HSD17B12: variants seen among roughly 807,000 people sequenced by gnomAD.
HSD17B12 encodes hydroxysteroid 17-beta dehydrogenase 12.
Under a neutral mutation model 39.3 loss-of-function variants are expected in HSD17B12, and 32 were observed. The ratio of observed to expected loss-of-function variants is 0.81; its 90% CI spans 0.61 to 1.09. The LOEUF is 1.09. Ranked by LOEUF, HSD17B12 falls within the 50% of genes least tolerant of loss-of-function variation. The pLI is 0.00. For missense variants in HSD17B12, 342 were observed against 382.9 expected (o/e 0.89, Z 0.89); for synonymous variants, 150 against 146.7 (o/e 1.02, Z -0.16).
At chr11:43,762,848 G>A (rs955480364) in intron 3 of HSD17B12, among the ~76,000 whole-genome samples, 1 of 152,122 alleles carries the variant, frequency 6.6e-6, no homozygotes, top group Non-Finnish European at 1.5e-5. Flanking sequence ...TCATGAATAT[G>A]TTTCTATTCA....
intron 1 of HSD17B12, among the ~76,000 whole-genome samples, chr11:43,704,192 A>G (rs1360152061): frequency 2.6e-5 from 4 of 152,228 alleles, no homozygotes; most frequent in Admixed American, 1.3e-4. Flanking sequence ...AGTAAGCCTG[A>G]CGAAAAGGTA....
At chr11:43,627,723 T>G in the HSD17B12 span, among the ~76,000 whole-genome samples, 1 of 152,006 alleles carries the variant, frequency 6.6e-6, no homozygotes, top group African/African-American at 2.4e-5. Flanking sequence ...AAATTTAATC[T>G]GCGTTAAAAT....
the HSD17B12 span, among the ~76,000 whole-genome samples, chr11:43,598,368 C>T: frequency 6.6e-6 from 1 of 151,834 alleles, no homozygotes; most frequent in Non-Finnish European, 1.5e-5. Context: ...TGTTCTTGAC[C>T]CACTTTTATT....
chr11:43,589,154 G>A, the HSD17B12 span, among the ~76,000 whole-genome samples: 2 of 152,106 alleles, frequency 1.3e-5, no homozygotes, highest in Admixed American at 6.5e-5. Context: ...ATTTGCTATC[G>A]TAAATAATGT....
At chr11:43,598,055 C>T in the HSD17B12 span, among the ~76,000 whole-genome samples, 1 of 152,132 alleles carries the variant, frequency 6.6e-6, no homozygotes, top group Non-Finnish European at 1.5e-5. Context: ...ACTCAGTTCC[C>T]TCTAGAACTC....
At chr11:43,749,926 A>T (rs1017167099) in intron 1 of HSD17B12, among the ~76,000 whole-genome samples, 3 of 152,094 alleles carry the variant, frequency 2.0e-5, no homozygotes. Flanking sequence ...AACTTGTAAC[A>T]TGATTCTAGT....
intron 1 of HSD17B12, among the ~76,000 whole-genome samples, chr11:43,696,846 A>T (rs1305728421): frequency 1.3e-5 from 2 of 152,182 alleles, no homozygotes; most frequent in Admixed American, 6.5e-5. Context: ...AAGGAATGAG[A>T]TCATGTCCTT....
At chr11:43,621,956 A>G in the HSD17B12 span, among the ~76,000 whole-genome samples, 4 of 152,178 alleles carry the variant, frequency 2.6e-5, no homozygotes, top group Admixed American at 6.5e-5. Flanking sequence ...TCCACACCGA[A>G]TGGTCTCAAT....
chr11:43,806,946 T>C (rs1294105859), intron 4 of HSD17B12, among the ~76,000 whole-genome samples: 1 of 152,218 alleles, frequency 6.6e-6, no homozygotes, highest in African/African-American at 2.4e-5. Flanking sequence ...GTACATTTAA[T>C]ATGTATCAGT....
At position 43,840,031 on chromosome 11, in the gene HSD17B12, TGAG is replaced by T. The variant is rs773693174; in HGVS notation, c.655_657del (p.Glu219del). ...TAGATTTCTTCTCTCAGTGCCTCCA[TGAG>T]GAGTATAGGAGCAAGGGCGTCTTTG... On this transcript the variant is annotated inframe_deletion, in exon 9 of 11. Transcript: ENST00000278353. The T allele has an allele frequency of 6.2e-7, 1 of 1,612,694 alleles. No homozygotes were observed. Among genetic ancestry groups the T allele is most frequent in the Non-Finnish European group, 8.5e-7 (1 of 1,179,082 alleles).
chr11:43,783,873 T>G (rs1214787432), intron 3 of HSD17B12, among the ~76,000 whole-genome samples: 1 of 152,158 alleles, frequency 6.6e-6, no homozygotes, highest in Non-Finnish European at 1.5e-5. Context: ...CAGTAAACCC[T>G]TTACATGTTA....
intron 1 of HSD17B12, among the ~76,000 whole-genome samples, chr11:43,686,801 T>C (rs1949804556): frequency 6.6e-6 from 1 of 152,144 alleles, no homozygotes; most frequent in Non-Finnish European, 1.5e-5. Flanking sequence ...GTTATTATTA[T>C]AGTATTATTA....
chr11:43,806,279 C>A (rs1285763565), intron 4 of HSD17B12: 1 of 152,200 alleles, frequency 6.6e-6, no homozygotes, highest in Non-Finnish European at 1.5e-5. Flanking sequence ...CCTCTAGTCA[C>A]AGAGTTGGTC....
the HSD17B12 span, among the ~76,000 whole-genome samples, chr11:43,620,056 G>A: frequency 3.3e-5 from 5 of 152,184 alleles, no homozygotes; most frequent in Non-Finnish European, 7.3e-5. Context: ...TCACTTTAAA[G>A]CAGCTGCATT....
intron 4 of HSD17B12, among the ~76,000 whole-genome samples, chr11:43,804,502 A>T (rs1951000441): frequency 6.6e-6 from 1 of 152,244 alleles, no homozygotes. Flanking sequence ...GCTGGAATAG[A>T]ACTTATTATT....
At chr11:43,614,926 CTG>C in the HSD17B12 span, among the ~76,000 whole-genome samples, 1 of 152,040 alleles carries the variant, frequency 6.6e-6, no homozygotes, top group Non-Finnish European at 1.5e-5. Flanking sequence ...ATTCCAACAA[CTG>C]TGTTATCTCT....
rs199686029 is a variant in HSD17B12 at position 43,854,786 on chromosome 11, G to A, written c.756G>A (p.Pro252=). The change falls in exon 10 of 11, where the codon CCG becomes CCA. Residue 252 remains proline, a synonymous_variant. Transcript: ENST00000278353. ...AGCCAACTTTGGATAAGCCCTCTCC[G>A]GAGACGTTTGTGAAGTCTGCAATTA... ...IRKPTLDKPS[P]ETFVKSAIKT... 3.2e-5 allele frequency: 51 copies of A among 1,614,024 alleles called. No homozygotes were observed. Among genetic ancestry groups the A allele is most frequent in the Non-Finnish European group, 3.8e-5 (45 of 1,180,010 alleles).
At chr11:43,626,835 A>C in the HSD17B12 span, among the ~76,000 whole-genome samples, 1 of 152,038 alleles carries the variant, frequency 6.6e-6, no homozygotes, top group African/African-American at 2.4e-5. Flanking sequence ...AAGATATTAC[A>C]CAGAAAACAG....
chr11:43,838,383 CTA>C lies in HSD17B12; in HGVS notation c.605_606del (p.Tyr202PhefsTer16). On this transcript the variant is annotated frameshift_variant, in exon 8 of 11. Coordinates refer to ENST00000278353, the MANE Select transcript of HSD17B12 (RefSeq NM_016142.3). LOFTEE classifies it high-confidence loss of function. Reference protein sequence around the residue: ...GMLPVPLLTIYSATKTFVDFF... With the variant: ...GMLPVPLLTIXSATKTFVDFF... ...TGCTCCCTGTCCCACTCTTGACCAT[CTA>C]TTCTGCAACCAAGGTAAAAAATATT... is the stretch of plus-strand genomic sequence containing the variant. The C allele has an allele frequency of 6.2e-7, 1 of 1,611,688 alleles. No homozygotes were observed. Among genetic ancestry groups the C allele is most frequent in the Non-Finnish European group, 8.5e-7 (1 of 1,177,948 alleles).
Sources: gnomAD v4.1 joint callset for allele counts (sites outside exome capture counted in the v4.1 genomes callset) on GRCh38, gnomAD v4.1.1 for gene constraint, MANE v1.5 for transcripts, NCBI Gene and HGNC (gene_info 2026-07-23, HGNC 2026-07-21) for gene names.